The following MPPED2 variants were observed in gnomAD, a reference collection of about 807,000 sequenced individuals.
MPPED2 encodes the protein metallophosphoesterase domain containing 2, also known as metallophosphoesterase MPPED2.
A neutral mutation model predicts 33.0 loss-of-function variants in MPPED2; 5 were observed. The observed-to-expected ratio is 0.15, with a 90% CI of 0.08 to 0.32. The LOEUF (loss-of-function observed/expected upper bound fraction) is 0.32. Ranked by LOEUF, MPPED2 falls within the 10% of genes least tolerant of loss-of-function variation. The probability of loss-of-function intolerance (pLI) is 1.00; values close to 1 mark genes in which losing one functional copy is unlikely to be tolerated. For synonymous variants in MPPED2, 136 were observed against 141.9 expected (o/e 0.96, Z 0.29); for missense variants, 275 against 372.1 (o/e 0.74, Z 2.15).
intron 2 of MPPED2, among the ~76,000 whole-genome samples, chr11:30,557,960 TATAA>T (rs1410221461): frequency 5.9e-5 from 9 of 152,190 alleles, no homozygotes; most frequent in African/African-American, 2.2e-4. Context: ...GCTAGGAAGA[TATAA>T]ATAAATACGA....
At chr11:30,449,740 A>C (rs1048300634) in intron 4 of MPPED2, among the ~76,000 whole-genome samples, 3 of 152,212 alleles carry the variant, frequency 2.0e-5, no homozygotes, top group African/African-American at 7.2e-5. Flanking sequence ...ATGGTGGTAT[A>C]AATTTCCCTT....
chr11:30,465,337 G>C (rs1432342279), intron 4 of MPPED2, among the ~76,000 whole-genome samples: 1 of 152,194 alleles, frequency 6.6e-6, no homozygotes, highest in East Asian at 1.9e-4. Context: ...TCCCAGGCTG[G>C]AATGCTGTGG....
chr11:30,568,566 A>C (rs1956552682), intron 2 of MPPED2, among the ~76,000 whole-genome samples: 1 of 152,196 alleles, frequency 6.6e-6, no homozygotes, highest in Non-Finnish European at 1.5e-5. Flanking sequence ...TTTTAATTCT[A>C]CACTTGACAA....
chr11:30,558,938 G>C (rs921332284), intron 2 of MPPED2, among the ~76,000 whole-genome samples: 3 of 152,178 alleles, frequency 2.0e-5, no homozygotes, highest in African/African-American at 7.2e-5. Flanking sequence ...TCAAAGTGCA[G>C]CTGCTCATTT....
intron 4 of MPPED2, among the ~76,000 whole-genome samples, chr11:30,483,801 T>C (rs962886085): frequency 4.6e-5 from 7 of 152,184 alleles, no homozygotes; most frequent in Admixed American, 3.3e-4. Flanking sequence ...TGAAGCCTTG[T>C]GTGGCATGGA....
intron 2 of MPPED2, among the ~76,000 whole-genome samples, chr11:30,574,139 A>G (rs1956821326): frequency 6.6e-6 from 1 of 152,192 alleles, no homozygotes; most frequent in Non-Finnish European, 1.5e-5. Context: ...AGGCCTTCAC[A>G]TTTACTCACC....
At chr11:30,526,097 G>C (rs2134410669) in intron 3 of MPPED2, among the ~76,000 whole-genome samples, 1 of 152,224 alleles carries the variant, frequency 6.6e-6, no homozygotes, top group Middle Eastern at 3.4e-3. Flanking sequence ...ATATGAATTA[G>C]ACCATGAAGT....
intron 4 of MPPED2, among the ~76,000 whole-genome samples, chr11:30,419,504 G>T (rs1050971169): frequency 6.6e-6 from 1 of 152,082 alleles, no homozygotes; most frequent in Non-Finnish European, 1.5e-5. Flanking sequence ...TAGTGGAGTG[G>T]ATACCTGTTG....
At chr11:30,585,612 C>T (rs2134981524) in intron 1 of MPPED2, among the ~76,000 whole-genome samples, 1 of 152,226 alleles carries the variant, frequency 6.6e-6, no homozygotes, top group Non-Finnish European at 1.5e-5. Context: ...CCGGCTTCCC[C>T]AGCTTCTCGC....
chr11:30,560,630 A>AAGC (rs1372207282), intron 2 of MPPED2, among the ~76,000 whole-genome samples: 1 of 152,226 alleles, frequency 6.6e-6, no homozygotes, highest in African/African-American at 2.4e-5. Flanking sequence ...AAATGAAAGC[A>AAGC]AGCACCCTAA....
intron 3 of MPPED2, among the ~76,000 whole-genome samples, chr11:30,498,963 A>C (rs559581): frequency 0.089 from 13,530 of 152,198 alleles, 762 homozygotes; most frequent in African/African-American, 0.15. Flanking sequence ...AGTTTTATCT[A>C]TTCTGTATCT....
At chr11:30,543,466 C>G (rs889397704) in intron 2 of MPPED2, among the ~76,000 whole-genome samples, 1 of 152,194 alleles carries the variant, frequency 6.6e-6, no homozygotes, top group African/African-American at 2.4e-5. Flanking sequence ...ATTAGCCACA[C>G]AGTTTACACA....
At chr11:30,465,493 T>C (rs997565241) in intron 4 of MPPED2, among the ~76,000 whole-genome samples, 3 of 152,218 alleles carry the variant, frequency 2.0e-5, no homozygotes, top group African/African-American at 4.8e-5. Context: ...GCTTTCACCA[T>C]GTTGCATAGT....
intron 2 of MPPED2, among the ~76,000 whole-genome samples, chr11:30,541,699 T>C (rs977054906): frequency 6.6e-6 from 1 of 152,084 alleles, no homozygotes; most frequent in African/African-American, 2.4e-5. Flanking sequence ...TTCAAGCAAT[T>C]CTCCTGCCTC....
downstream of MPPED2, among the ~76,000 whole-genome samples, chr11:30,384,194 T>A (rs74925446): frequency 7.9e-5 from 12 of 152,230 alleles, no homozygotes; most frequent in Non-Finnish European, 1.8e-4. Flanking sequence ...CATGTAATCT[T>A]ATTTCCTTGA....
chr11:30,441,078 G>A (rs934103893), intron 4 of MPPED2, among the ~76,000 whole-genome samples: 6 of 152,244 alleles, frequency 3.9e-5, no homozygotes, highest in South Asian at 2.1e-4. Flanking sequence ...CTGGGTTACC[G>A]AGCAGAACTA....
chr11:30,428,080 C>G (rs1333837641), intron 4 of MPPED2, among the ~76,000 whole-genome samples: 1 of 152,076 alleles, frequency 6.6e-6, no homozygotes, highest in Non-Finnish European at 1.5e-5. Flanking sequence ...TGACATACGG[C>G]CTGCCTTCTT....
intron 2 of MPPED2, among the ~76,000 whole-genome samples, chr11:30,538,751 T>C (rs188330551): frequency 6.5e-4 from 99 of 152,130 alleles, no homozygotes; most frequent in African/African-American, 2.2e-3. Context: ...ACCACCATGA[T>C]GCCATCAAAG....
intron 3 of MPPED2, among the ~76,000 whole-genome samples, chr11:30,495,818 A>C (rs2134210151): frequency 6.6e-6 from 1 of 152,332 alleles, no homozygotes; most frequent in African/African-American, 2.4e-5. Flanking sequence ...AGGGTAATGA[A>C]TCCACACTTT....
Sources: allele counts gnomAD v4.1 joint callset (sites outside exome capture counted in the v4.1 genomes callset), GRCh38; gene constraint gnomAD v4.1.1; transcripts MANE v1.5; gene names NCBI Gene and HGNC (gene_info 2026-07-23, HGNC 2026-07-21).